Variants in PARD3B observed in about 807,000 individuals in gnomAD.
PARD3B encodes partitioning defective 3 homolog B.
Under a neutral mutation model 130.2 loss-of-function variants are expected in PARD3B, and 103 were observed. That is an observed-to-expected ratio of 0.79 (90% confidence interval 0.67 to 0.93). PARD3B has a LOEUF of 0.93. PARD3B is among the 40% of genes least tolerant of loss of function. The pLI, the probability that PARD3B is intolerant of heterozygous loss-of-function variation, is 0.00. For missense variants in PARD3B, 1,609 were observed against 1,499.2 expected (o/e 1.07, Z -1.21); for synonymous variants, 583 against 553.2 (o/e 1.05, Z -0.76).
At chr2:205,318,115 G>A (rs2042622512) in intron 18 of PARD3B, among the ~76,000 whole-genome samples, 1 of 152,056 alleles carries the variant, frequency 6.6e-6, no homozygotes, top group Non-Finnish European at 1.5e-5. Context: ...CTAATTCTAG[G>A]GCTTTTGGTA....
rs570464005 is a variant in PARD3B at position 204,629,148 on chromosome 2, C to T, written c.121-57033C>T. On this transcript the variant is annotated intron_variant, in intron 1 of 22. Coordinates refer to ENST00000406610, the MANE Select transcript of PARD3B (RefSeq NM_001302769.2). ...TTCACAGGGGAACAAAAGAGATGAT[C>T]AAATTTATAGCTGCTCAAGGAGAAG... Among the ~76,000 whole-genome samples, 8 of 152,224 alleles carry T rather than the reference C, an allele frequency of 5.3e-5. No homozygotes were observed. In the East Asian group the frequency reaches 1.5e-3, roughly 29 times the overall value.
rs2045708171 is a variant in PARD3B, at chr2:205,387,624, A to G, written c.2631-13389A>G. 2.6e-5 allele frequency among the ~76,000 whole-genome samples: 4 copies of G among 152,226 alleles called. No individual in the cohort carries two copies. The South Asian group carries it at 8.3e-4, about 32-fold the overall frequency. On this transcript the variant is annotated intron_variant, in intron 18 of 22. Coordinates refer to ENST00000406610, the MANE Select transcript of PARD3B (RefSeq NM_001302769.2). ...ATATATTGGCTCGAGTTTCCAAATA[A>G]CCTTCCAAAATGAAAAGCACAAATA...
intron 18 of PARD3B, among the ~76,000 whole-genome samples, chr2:205,307,472 A>C (rs536077544): frequency 6.6e-6 from 1 of 152,212 alleles, no homozygotes; most frequent in African/African-American, 2.4e-5. Flanking sequence ...TCTGTGCTTA[A>C]ATTTTTTCAT....
intron 2 of PARD3B, among the ~76,000 whole-genome samples, chr2:204,879,131 G>T (rs2045949150): frequency 6.6e-6 from 1 of 152,104 alleles, no homozygotes; most frequent in Non-Finnish European, 1.5e-5. Context: ...ACAATTTCTG[G>T]CAGCATTCTG....
At chr2:204,976,771 T>A (rs1008692145) in intron 3 of PARD3B, among the ~76,000 whole-genome samples, 1 of 151,882 alleles carries the variant, frequency 6.6e-6, no homozygotes, top group African/African-American at 2.4e-5. Flanking sequence ...CACACCCAGC[T>A]AATTTTCGTA....
At position 204,723,455 on chromosome 2, in the gene PARD3B, T is replaced by C. The variant is rs371107138; in HGVS notation, c.222+37173T>C. ...ATTTGCCAAAGAACAAAAAGTAAGA[T>C]TTTGTCATTTGGTTTATTGGATTTT... On this transcript the variant is annotated intron_variant, in intron 2 of 22. Coordinates refer to ENST00000406610, the MANE Select transcript of PARD3B (RefSeq NM_001302769.2). Among the ~76,000 whole-genome samples the C allele has an allele frequency of 5.3e-4, 81 of 152,270 alleles. 2 individuals carry two copies. The South Asian group carries it at 0.012, about 22-fold the overall frequency.
intron 2 of PARD3B, among the ~76,000 whole-genome samples, chr2:204,904,076 GCT>G (rs2046961470): frequency 6.6e-6 from 1 of 152,054 alleles, no homozygotes; most frequent in Non-Finnish European, 1.5e-5. Context: ...CATAAAAAAG[GCT>G]CTGATTTATT....
rs116565616 is a variant in PARD3B at position 204,571,717 on chromosome 2, G to A, written c.120+25598G>A. Among the ~76,000 whole-genome samples, 1,312 of 152,266 alleles carry A rather than the reference G, an allele frequency of 8.6e-3. 13 individuals are homozygous for A. The highest frequency in any genetic ancestry group is 0.031 in the African/African-American group (1,276 of 41,532). On this transcript the variant is annotated intron_variant, in intron 1 of 22. Coordinates refer to ENST00000406610, the MANE Select transcript of PARD3B (RefSeq NM_001302769.2). ...TTAATCCATTATAATGCCTTAAATA[G>A]CACTATGTGTATTAGGGACTTAATA...
At chr2:205,029,987 A>G (rs943466453) in intron 3 of PARD3B, among the ~76,000 whole-genome samples, 1 of 152,176 alleles carries the variant, frequency 6.6e-6, no homozygotes. Context: ...TGACCATAAC[A>G]CAAAGCCAGA....
chr2:205,570,516 CCTT>C (rs1259012629), intron 22 of PARD3B, among the ~76,000 whole-genome samples: 1 of 152,034 alleles, frequency 6.6e-6, no homozygotes, highest in Non-Finnish European at 1.5e-5. Flanking sequence ...TCGCAAGAAA[CCTT>C]ATTATGGTCT....
chr2:204,604,767 C>G (rs930938151), intron 1 of PARD3B, among the ~76,000 whole-genome samples: 1 of 152,120 alleles, frequency 6.6e-6, no homozygotes, highest in South Asian at 2.1e-4. Flanking sequence ...GCCTTCTACT[C>G]CAGCATAGCA....
intron 4 of PARD3B, among the ~76,000 whole-genome samples, chr2:205,071,240 T>C (rs1700708443): frequency 6.6e-6 from 1 of 152,206 alleles, no homozygotes; most frequent in Non-Finnish European, 1.5e-5. Context: ...ATTGTATTAA[T>C]TCTTACAAGT....
intron 2 of PARD3B, among the ~76,000 whole-genome samples, chr2:204,797,439 G>C (rs986493626): frequency 2.0e-5 from 3 of 152,040 alleles, no homozygotes; most frequent in African/African-American, 7.2e-5. Context: ...AAAACATTTT[G>C]TATCATGAGG....
intron 1 of PARD3B, among the ~76,000 whole-genome samples, chr2:204,622,513 T>C (rs1185138000): frequency 6.6e-6 from 1 of 152,112 alleles, no homozygotes; most frequent in African/African-American, 2.4e-5. Flanking sequence ...GGCTTTTAGG[T>C]TAAACATGTC....
intron 19 of PARD3B, among the ~76,000 whole-genome samples, chr2:205,430,865 G>GA (rs1334859278): frequency 6.6e-6 from 1 of 152,204 alleles, no homozygotes; most frequent in Non-Finnish European, 1.5e-5. Flanking sequence ...ATCTGGGGAA[G>GA]ACAGACATTT....
intron 2 of PARD3B, among the ~76,000 whole-genome samples, chr2:204,934,769 A>G (rs914239162): frequency 9.9e-5 from 15 of 152,206 alleles, no homozygotes; most frequent in African/African-American, 3.6e-4. Context: ...GTTTAGAAAC[A>G]AAGTGGGAAC....
In PARD3B at chr2:205,263,679, C is replaced by A. The variant is rs1186131921; in HGVS notation, c.2185+17857C>A. On this transcript the variant is annotated intron_variant, in intron 16 of 22. Transcript: ENST00000406610. The surrounding 1 kb of genome is among the most constrained non-coding windows in gnomAD (Gnocchi z 4.0). ...GTGGGTTAAGCAGAACTTTTTAGAG[C>A]ACTAAAACCAGGAAGTACAAAAAAA... is the stretch of plus-strand genomic sequence containing the variant. Among the ~76,000 whole-genome samples, 16 of 150,826 alleles carry A rather than the reference C, an allele frequency of 1.1e-4. 3 individuals carry two copies. The highest frequency in any genetic ancestry group is 2.4e-4 in the Non-Finnish European group (16 of 67,562).
intron 3 of PARD3B, among the ~76,000 whole-genome samples, chr2:205,014,185 T>A (rs1472593629): frequency 6.6e-6 from 1 of 152,244 alleles, no homozygotes; most frequent in East Asian, 1.9e-4. Flanking sequence ...TTTATTTGCA[T>A]GCTGTCACTA....
At chr2:204,963,943 A>C (rs1045316838) in intron 2 of PARD3B, among the ~76,000 whole-genome samples, 2 of 152,212 alleles carry the variant, frequency 1.3e-5, no homozygotes, top group African/African-American at 4.8e-5. Context: ...GCGAATTTGC[A>C]TATCCTTAAT....
Sources: allele counts gnomAD v4.1 joint callset (sites outside exome capture counted in the v4.1 genomes callset), GRCh38; gene constraint gnomAD v4.1.1; non-coding constraint Gnocchi (gnomAD v3.1); transcripts MANE v1.5; gene names NCBI Gene and HGNC (gene_info 2026-07-23, HGNC 2026-07-21).